Variants in PPM1H observed in about 807,000 individuals in gnomAD.
The protein encoded by PPM1H is protein phosphatase, Mg2+/Mn2+ dependent 1H, also known as protein phosphatase 1H.
In PPM1H, 27 loss-of-function variants were observed where a neutral mutation model predicts 54.9. The ratio of observed to expected loss-of-function variants is 0.49; its 90% confidence interval spans 0.36 to 0.68. PPM1H has a LOEUF of 0.68. PPM1H is among the 30% of genes least tolerant of loss of function. The probability of loss-of-function intolerance (pLI) is 0.00; values close to 1 mark genes in which losing one functional copy is unlikely to be tolerated. For synonymous variants in PPM1H, 305 were observed against 270.8 expected (o/e 1.13, Z -1.24); for missense variants, 596 against 667.8 (o/e 0.89, Z 1.19).
intron 6 of PPM1H, among the ~76,000 whole-genome samples, chr12:62,719,178 T>C (rs2076250893): frequency 6.6e-6 from 1 of 152,182 alleles, no homozygotes; most frequent in Non-Finnish European, 1.5e-5. Context: ...GTAGCTCAAC[T>C]TGTTCCCTGA....
intron 3 of PPM1H, among the ~76,000 whole-genome samples, chr12:62,794,257 A>G (rs2076718819): frequency 6.6e-6 from 1 of 152,234 alleles, no homozygotes; most frequent in East Asian, 1.9e-4. Context: ...TAAATTTAAG[A>G]CAGCTATGTG....
chr12:62,868,565 T>C (rs1869866281), intron 1 of PPM1H, among the ~76,000 whole-genome samples: 1 of 152,222 alleles, frequency 6.6e-6, no homozygotes, highest in Admixed American at 6.5e-5. Context: ...ACTGTTTCTG[T>C]AGCAACTAAT....
chr12:62,791,647 G>A (rs752500236), intron 3 of PPM1H, among the ~76,000 whole-genome samples: 7 of 152,312 alleles, frequency 4.6e-5, no homozygotes, highest in Middle Eastern at 3.4e-3. Context: ...AACGCCGGGC[G>A]TGGTGGCTCA....
intron 1 of PPM1H, among the ~76,000 whole-genome samples, chr12:62,915,785 T>C (rs990092315): frequency 1.3e-5 from 2 of 152,160 alleles, no homozygotes; most frequent in East Asian, 1.9e-4. Flanking sequence ...GGAAGAACCA[T>C]TGTATGTCTA....
chr12:62,909,926 T>A (rs1592666737), intron 1 of PPM1H, among the ~76,000 whole-genome samples: 1 of 152,216 alleles, frequency 6.6e-6, no homozygotes, highest in African/African-American at 2.4e-5. Flanking sequence ...AAGAATGACA[T>A]AATTATAATA....
At chr12:62,749,663 T>G (rs2076430610) in intron 4 of PPM1H, among the ~76,000 whole-genome samples, 1 of 152,202 alleles carries the variant, frequency 6.6e-6, no homozygotes, top group Non-Finnish European at 1.5e-5. Context: ...TTTCTTGTCA[T>G]TCAATTTTCA....
At chr12:62,857,527 CT>C (rs1171090938) in intron 1 of PPM1H, among the ~76,000 whole-genome samples, 11 of 152,304 alleles carry the variant, frequency 7.2e-5, no homozygotes, top group African/African-American at 2.2e-4. Context: ...ATAACATCTG[CT>C]TATAAAACAG....
At chr12:62,867,252 T>G (rs1869808025) in intron 1 of PPM1H, among the ~76,000 whole-genome samples, 1 of 152,180 alleles carries the variant, frequency 6.6e-6, no homozygotes, top group South Asian at 2.1e-4. Context: ...TTCAATGCCT[T>G]TATCTCCATG....
At chr12:62,691,249 A>G (rs1357395024) in intron 7 of PPM1H, among the ~76,000 whole-genome samples, 2 of 152,200 alleles carry the variant, frequency 1.3e-5, no homozygotes. Context: ...ACCCTTAATC[A>G]TAAAAAATAT....
chr12:62,809,225 A>G (rs575534101), intron 2 of PPM1H, among the ~76,000 whole-genome samples: 2 of 152,092 alleles, frequency 1.3e-5, no homozygotes, highest in East Asian at 3.9e-4. Context: ...TAATTTTTGT[A>G]CTTTTAGTAG....
At chr12:62,799,104 C>T (rs2076751583) in intron 3 of PPM1H, among the ~76,000 whole-genome samples, 2 of 152,130 alleles carry the variant, frequency 1.3e-5, no homozygotes, top group African/African-American at 4.8e-5. Context: ...ATGAAGCAAA[C>T]AATTGTTGTT....
rs1296201809 is a variant in PPM1H at position 62,934,382 on chromosome 12, G to C, written c.245+110C>G. 7.4e-6 allele frequency: 10 copies of C among 1,351,938 alleles called. No individual in the cohort carries two copies. Among genetic ancestry groups the C allele is most frequent in the Non-Finnish European group, 9.6e-6 (10 of 1,039,282 alleles). The allele number at this position is 1,351,938 out of a possible 1,614,324, so 83.7% of individuals were successfully genotyped here. A position where few individuals can be genotyped will look rare whatever the true frequency, so the allele number is the denominator to read the frequency against. ...AGCTCCCCGCCGAGGCCTGGACGCC[G>C]GCAGCTAGTGAGAGCCCTGAGGCCG... On this transcript the variant is annotated intron_variant, in intron 1 of 9. Coordinates refer to ENST00000228705, the MANE Select transcript of PPM1H (RefSeq NM_020700.2). This position sits in a 1 kb window ranked among gnomAD's most constrained non-coding sequence, Gnocchi z 4.2.
chr12:62,899,537 G>C (rs996193586), intron 1 of PPM1H, among the ~76,000 whole-genome samples: 4 of 152,190 alleles, frequency 2.6e-5, no homozygotes, highest in Non-Finnish European at 4.4e-5. Context: ...TCTTTAAAAA[G>C]GATGCACTTT....
At chr12:62,776,515 G>A (rs1416564154) in intron 4 of PPM1H, among the ~76,000 whole-genome samples, 1 of 152,172 alleles carries the variant, frequency 6.6e-6, no homozygotes, top group East Asian at 1.9e-4. Flanking sequence ...GACAGTGTCT[G>A]GCATGAGGCA....
chr12:62,668,444 C>T (rs1254665869), intron 8 of PPM1H, among the ~76,000 whole-genome samples: 1 of 152,190 alleles, frequency 6.6e-6, no homozygotes, highest in Non-Finnish European at 1.5e-5. Flanking sequence ...GGCGTGATCT[C>T]AGCTCACTGC....
chr12:62,860,173 G>T (rs1053703622), intron 1 of PPM1H, among the ~76,000 whole-genome samples: 1 of 152,174 alleles, frequency 6.6e-6, no homozygotes, highest in Admixed American at 6.5e-5. Flanking sequence ...TGGTGGGAAG[G>T]AGGAGTGCAA....
intron 2 of PPM1H, among the ~76,000 whole-genome samples, chr12:62,817,135 AAGAAAAAAAAAAAAACTAAAAAAAAG>A (rs2076872233): frequency 9.4e-6 from 1 of 106,814 alleles, no homozygotes; most frequent in African/African-American, 6.8e-5. Context: ...AAAAAAAAAA[AAGAAAAAAAAAAAAACTAAAAAAAAG>A]AAAAAAAAAA....
At chr12:62,828,146 A>G (rs1868310592) in intron 2 of PPM1H, among the ~76,000 whole-genome samples, 2 of 152,122 alleles carry the variant, frequency 1.3e-5, no homozygotes. Flanking sequence ...TTTTACCATT[A>G]AGGGCATGTC....
intron 8 of PPM1H, among the ~76,000 whole-genome samples, chr12:62,680,798 G>A: frequency 6.6e-6 from 1 of 152,174 alleles, no homozygotes; most frequent in South Asian, 2.1e-4. Flanking sequence ...AGTTTTGGAG[G>A]AGGTTTGTTT....
Sources: gnomAD v4.1 joint callset for allele counts (sites outside exome capture counted in the v4.1 genomes callset) on GRCh38, gnomAD v4.1.1 for gene constraint, Gnocchi (gnomAD v3.1) non-coding constraint, MANE v1.5 for transcripts, NCBI Gene and HGNC (gene_info 2026-07-23, HGNC 2026-07-21) for gene names.